The following EEF1AKMT2 variants were observed in gnomAD, a reference collection of about 807,000 sequenced individuals.
EEF1AKMT2 encodes the protein EEF1A lysine methyltransferase 2.
EEF1AKMT2 carries 32 observed loss-of-function variants against 35.8 expected under a neutral mutation model. That is an observed-to-expected ratio of 0.89 (90% confidence interval 0.67 to 1.20). The LOEUF (loss-of-function observed/expected upper bound fraction) is 1.20, where lower values mean the gene tolerates loss of function less well. EEF1AKMT2 is among the 50% of genes most tolerant of loss of function. The pLI, the probability that EEF1AKMT2 is intolerant of heterozygous loss-of-function variation, is 0.00. For synonymous variants in EEF1AKMT2, 121 were observed against 133.7 expected (o/e 0.91, Z 0.65); for missense variants, 330 against 347.5 (o/e 0.95, Z 0.40).
intron 3 of EEF1AKMT2, among the ~76,000 whole-genome samples, chr10:124,776,252 T>C (rs1217524747): frequency 2.0e-5 from 3 of 152,080 alleles, no homozygotes; most frequent in Admixed American, 1.3e-4. Context: ...ATGTTTTAGG[T>C]TTCTAGAGAT....
chr10:124,764,297 C>G (rs1248053930), intron 5 of EEF1AKMT2, among the ~76,000 whole-genome samples: 1 of 95,622 alleles, frequency 1.0e-5, no homozygotes, highest in East Asian at 2.9e-4. Flanking sequence ...TTAAAAAGTG[C>G]AGGATCAAAA....
chr10:124,782,633 G>GA (rs1950552216), intron 3 of EEF1AKMT2, among the ~76,000 whole-genome samples: 1 of 136,038 alleles, frequency 7.4e-6, no homozygotes, highest in South Asian at 2.4e-4. Flanking sequence ...ACAACAGGGC[G>GA]AAACCCCGTC....
At chr10:124,790,191 C>G (rs1050851915) in intron 2 of EEF1AKMT2, 82 bp downstream of exon 2, 2 of 1,139,858 alleles carry the variant, frequency 1.8e-6, no homozygotes, top group East Asian at 2.4e-5. Context: ...CCGCGCCCGG[C>G]GAATATATAC....
chr10:124,784,774 T>C (rs530763959), intron 3 of EEF1AKMT2, among the ~76,000 whole-genome samples: 1 of 151,730 alleles, frequency 6.6e-6, no homozygotes, highest in Admixed American at 6.6e-5. Flanking sequence ...CTACTAAAAA[T>C]ACAAAAATTA....
chr10:124,789,898 A>ATTT (rs11443011), intron 2 of EEF1AKMT2, among the ~76,000 whole-genome samples: 2 of 148,316 alleles, frequency 1.3e-5, no homozygotes, highest in Non-Finnish European at 3.0e-5. Flanking sequence ...GAATATATGC[A>ATTT]TTTTTTTTTT....
intron 3 of EEF1AKMT2, among the ~76,000 whole-genome samples, chr10:124,782,581 CAAAA>C (rs34882125): frequency 1.1e-4 from 7 of 62,400 alleles, no homozygotes; most frequent in Non-Finnish European, 8.6e-5. Flanking sequence ...GACTCCGTCT[CAAAA>C]AAAAAAAAAA....
chr10:124,762,608 T>C, intron 5 of EEF1AKMT2, 50 bp from the exon 6 acceptor site: 1 of 1,000,336 alleles, frequency 1.0e-6, no homozygotes, highest in Non-Finnish European at 1.2e-6. Context: ...AAATAAAAAT[T>C]ATATTATTGC....
intron 4 of EEF1AKMT2, among the ~76,000 whole-genome samples, chr10:124,768,322 G>A (rs535799479): frequency 2.2e-4 from 33 of 152,268 alleles, no homozygotes; most frequent in African/African-American, 7.2e-4. Flanking sequence ...TAAAAATCTG[G>A]CCAGGGCTGA....
At chr10:124,769,790 T>C (rs949652692) in intron 4 of EEF1AKMT2, among the ~76,000 whole-genome samples, 2 of 147,116 alleles carry the variant, frequency 1.4e-5, no homozygotes, top group Non-Finnish European at 3.0e-5. Context: ...CTACTAAAAA[T>C]ACAAAAATTA....
Position 124,762,335 on chromosome 10 carries a change from C to T in EEF1AKMT2, c.840G>A (p.Leu280=), listed in dbSNP as rs1442230039. Residue 280 remains leucine (L), a synonymous_variant, in exon 6 of 7, where the codon CTG becomes CTA. Coordinates refer to ENST00000368836, the MANE Select transcript of EEF1AKMT2 (RefSeq NM_212554.4). ...ACGAGGGCCTGGCATGGTATAATCC[C>T]AGCACTTTGGGAGGCCAGGTGGGAG... ...SDSPTWPPKV[L]GLYHARPSLA... 6 of 1,235,574 alleles carry T rather than the reference C, an allele frequency of 4.9e-6. No individual in the cohort carries two copies. The highest frequency in any genetic ancestry group is 5.3e-6 in the Non-Finnish European group (5 of 942,466). 76.5% of individuals were successfully genotyped at this position (1,235,574 alleles called of 1,614,324 possible). A position where few individuals can be genotyped will look rare whatever the true frequency, so the allele number is the denominator to read the frequency against.
intron 4 of EEF1AKMT2, among the ~76,000 whole-genome samples, chr10:124,772,743 C>T (rs141066971): frequency 2.6e-5 from 4 of 152,230 alleles, no homozygotes; most frequent in East Asian, 3.9e-4. Context: ...GGCTTCTGTT[C>T]TTAAATCTCA....
intron 3 of EEF1AKMT2, among the ~76,000 whole-genome samples, chr10:124,778,166 G>C (rs1328928478): frequency 2.6e-5 from 4 of 151,272 alleles, no homozygotes; most frequent in African/African-American, 9.7e-5. Flanking sequence ...TAGTGTGTAT[G>C]TATAGACAAT....
At position 124,790,354 on chromosome 10, in the gene EEF1AKMT2, A is replaced by C; in HGVS notation, c.111-16T>G. On this transcript the variant is annotated splice_polypyrimidine_tract_variant and intron_variant, in intron 1 of 6. Coordinates refer to ENST00000368836, the MANE Select transcript of EEF1AKMT2 (RefSeq NM_212554.4). Reference sequence around the variant, plus strand: ...AGCATCCCAACTATGTAAACAATGAAATGCAAAGCAAGACTCTTGAATTAA... The same window carrying C: ...AGCATCCCAACTATGTAAACAATGACATGCAAAGCAAGACTCTTGAATTAA... 6.4e-7 allele frequency: 1 copy of C among 1,573,818 alleles called. No individual in the cohort carries two copies. The highest frequency in any genetic ancestry group is 8.7e-7 in the Non-Finnish European group (1 of 1,143,404).
At chr10:124,782,641 G>A (rs1457239587) in intron 3 of EEF1AKMT2, among the ~76,000 whole-genome samples, 12 of 143,976 alleles carry the variant, frequency 8.3e-5, no homozygotes, top group African/African-American at 1.8e-4. Context: ...GCGAAACCCC[G>A]TCTGTACTAA....
intron 1 of EEF1AKMT2, 42 bp downstream of exon 1, chr10:124,791,682 G>A (rs1950635972): frequency 2.6e-6 from 4 of 1,546,604 alleles, no homozygotes; most frequent in Non-Finnish European, 3.5e-6. Flanking sequence ...GGCCCAGGCA[G>A]GGCGGCACGG....
chr10:124,784,810 A>C (rs1281419475), intron 3 of EEF1AKMT2, among the ~76,000 whole-genome samples: 1 of 152,006 alleles, frequency 6.6e-6, no homozygotes, highest in Non-Finnish European at 1.5e-5. Flanking sequence ...ACACACCTAT[A>C]ATCTCAGCTA....
intron 4 of EEF1AKMT2, among the ~76,000 whole-genome samples, chr10:124,767,846 C>T (rs532824814): frequency 2.0e-5 from 3 of 152,036 alleles, no homozygotes; most frequent in East Asian, 1.9e-4. Flanking sequence ...ATTAGCTGGG[C>T]GTGGTGGCGC....
At chr10:124,784,345 TA>T (rs969417068) in intron 3 of EEF1AKMT2, among the ~76,000 whole-genome samples, 2 of 151,700 alleles carry the variant, frequency 1.3e-5, no homozygotes, top group African/African-American at 2.4e-5. Flanking sequence ...ACTCGTGGAT[TA>T]AAAAAAATTA....
chr10:124,774,859 G>A, intron 3 of EEF1AKMT2, 77 bp from the exon 4 acceptor site: 2 of 626,176 alleles, frequency 3.2e-6, no homozygotes, highest in Non-Finnish European at 4.9e-6. Flanking sequence ...TATTCCTTTA[G>A]GACTGGTGAT....
Sources: allele counts gnomAD v4.1 joint callset (sites outside exome capture counted in the v4.1 genomes callset), GRCh38; gene constraint gnomAD v4.1.1; transcripts MANE v1.5; gene names NCBI Gene and HGNC (gene_info 2026-07-23, HGNC 2026-07-21).